The following COL22A1 variants were observed in gnomAD, a reference collection of about 807,000 sequenced individuals.
The protein encoded by COL22A1 is collagen type XXII alpha 1 chain, also known as collagen alpha-1(XXII) chain.
Under a neutral mutation model 248.9 loss-of-function variants are expected in COL22A1, and 221 were observed. That is an observed-to-expected ratio of 0.89 (90% CI 0.80 to 0.99). COL22A1 has a LOEUF of 0.99. Among genes scored for constraint, COL22A1 ranks in the 50% least tolerant of loss-of-function variants. The probability of loss-of-function intolerance (pLI) is 0.00; values close to 1 mark genes in which losing one functional copy is unlikely to be tolerated. For missense variants in COL22A1, 2,240 were observed against 2,179.0 expected (o/e 1.03, Z -0.56); for synonymous variants, 891 against 793.4 (o/e 1.12, Z -2.07).
At chr8:138,891,149 C>T (rs1050421148) in intron 1 of COL22A1, among the ~76,000 whole-genome samples, 3 of 152,132 alleles carry the variant, frequency 2.0e-5, no homozygotes, top group African/African-American at 7.2e-5. Flanking sequence ...ATGTAATCAA[C>T]AATGACACAT....
chr8:138,874,728 C>G (rs1484516293), intron 3 of COL22A1, among the ~76,000 whole-genome samples: 1 of 152,232 alleles, frequency 6.6e-6, no homozygotes, highest in Non-Finnish European at 1.5e-5. Flanking sequence ...GACTGCATCA[C>G]TTGGCCTTGC....
At chr8:138,806,157 TGTGTGTGTGATGGTGTAAGTAATG>T (rs1817692540) in intron 10 of COL22A1, among the ~76,000 whole-genome samples, 2 of 75,972 alleles carry the variant, frequency 2.6e-5, no homozygotes, top group African/African-American at 7.4e-5. Context: ...TGTGATGGTG[TGTGTGTGTGATGGTGTAAGTAATG>T]GTGTGTGATG....
intron 3 of COL22A1, among the ~76,000 whole-genome samples, chr8:138,862,278 G>A (rs1408345347): frequency 2.0e-5 from 3 of 152,076 alleles, no homozygotes; most frequent in Admixed American, 6.6e-5. Flanking sequence ...TCAATGGGTT[G>A]CCACTCAACT....
At chr8:138,765,190 C>T (rs1160923243) in intron 16 of COL22A1, among the ~76,000 whole-genome samples, 1 of 152,180 alleles carries the variant, frequency 6.6e-6, no homozygotes, top group East Asian at 1.9e-4. Context: ...GGCACTGGCG[C>T]CAGAACCGGC....
intron 3 of COL22A1, among the ~76,000 whole-genome samples, chr8:138,856,686 C>A (rs74671639): frequency 0.014 from 2,165 of 151,012 alleles, 45 homozygotes; most frequent in African/African-American, 0.05. Flanking sequence ...GGAGAGACAG[C>A]AAGAGAGAGG....
chr8:138,890,697 A>G (rs1343756280), intron 1 of COL22A1, among the ~76,000 whole-genome samples: 1 of 152,148 alleles, frequency 6.6e-6, no homozygotes, highest in African/African-American at 2.4e-5. Context: ...AACGAAGTAT[A>G]AGATACAAAA....
chr8:138,803,258 C>T (rs1252462623), intron 10 of COL22A1, among the ~76,000 whole-genome samples: 1 of 152,168 alleles, frequency 6.6e-6, no homozygotes, highest in African/African-American at 2.4e-5. Context: ...CAGGTTTGAA[C>T]AGCAGCTCTG....
chr8:138,660,951 CACAG>C (rs1823854540), intron 43 of COL22A1, among the ~76,000 whole-genome samples: 2 of 104,460 alleles, frequency 1.9e-5, no homozygotes, highest in Middle Eastern at 4.5e-3. Context: ...CACATAAACA[CACAG>C]ACACACACGC....
chr8:138,617,948 G>A (rs1819470733), intron 53 of COL22A1, among the ~76,000 whole-genome samples: 1 of 152,200 alleles, frequency 6.6e-6, no homozygotes, highest in African/African-American at 2.4e-5. Flanking sequence ...TCCCTGGAAA[G>A]GGCTAGGGAT....
rs146577060 is a variant in COL22A1 at position 138,910,918 on chromosome 8, C to T, written c.-73+2701G>A. 1.8e-3 allele frequency among the ~76,000 whole-genome samples: 276 copies of T among 152,302 alleles called. 2 individuals carry two copies. Among genetic ancestry groups the T allele is most frequent in the Non-Finnish European group, 3.3e-3 (222 of 68,020 alleles). ...GTCCTGGCCCATAGTAACCACACCA[C>T]CCATGTTGACCTCTATCAAAAACAT... On this transcript the variant is annotated intron_variant, in intron 1 of 64. Transcript: ENST00000303045.
At chr8:138,817,852 T>C (rs1487678434) in intron 7 of COL22A1, among the ~76,000 whole-genome samples, 1 of 152,150 alleles carries the variant, frequency 6.6e-6, no homozygotes, top group Admixed American at 6.5e-5. Flanking sequence ...GAGGGAGGGC[T>C]CATTTTTCTC....
At chr8:138,813,074 A>G (rs973286270) in intron 7 of COL22A1, 55 bp from the exon 8 acceptor site, 1 of 1,419,682 alleles carries the variant, frequency 7.0e-7, no homozygotes, top group African/African-American at 1.4e-5. Context: ...GAACCCAGAA[A>G]CCTCCGTGGT....
chr8:138,609,237 A>T (rs1818667443), intron 56 of COL22A1, among the ~76,000 whole-genome samples: 1 of 152,258 alleles, frequency 6.6e-6, no homozygotes, highest in Non-Finnish European at 1.5e-5. Flanking sequence ...ACTGAGGCTC[A>T]GAAATGCTAA....
At chr8:138,793,499 T>C (rs1008693125) in intron 12 of COL22A1, among the ~76,000 whole-genome samples, 29 of 152,188 alleles carry the variant, frequency 1.9e-4, no homozygotes, top group Admixed American at 7.9e-4. Context: ...GGGAAGTGAC[T>C]CACTCCAAAT....
chr8:138,833,006 T>A, intron 5 of COL22A1, 33 bp downstream of exon 5: 1 of 1,419,152 alleles, frequency 7.0e-7, no homozygotes, highest in East Asian at 2.3e-5. Flanking sequence ...CATGACACCC[T>A]GGGCAGGTCT....
intron 5 of COL22A1, among the ~76,000 whole-genome samples, chr8:138,830,257 G>T (rs1819936319): frequency 6.6e-6 from 1 of 152,172 alleles, no homozygotes; most frequent in African/African-American, 2.4e-5. Flanking sequence ...TACCAGCTAA[G>T]TGAAAAGTGT....
At chr8:138,701,605 G>A (rs948341450) in intron 31 of COL22A1, among the ~76,000 whole-genome samples, 20 of 152,154 alleles carry the variant, frequency 1.3e-4, no homozygotes, top group Non-Finnish European at 2.6e-4. Flanking sequence ...TAGTAACAGC[G>A]ACTACAGATG....
chr8:138,862,098 G>A (rs960432467), intron 3 of COL22A1, among the ~76,000 whole-genome samples: 8 of 151,112 alleles, frequency 5.3e-5, no homozygotes, highest in Non-Finnish European at 1.0e-4. Flanking sequence ...CACGCCTGTA[G>A]TCCCAGCCAC....
In COL22A1 at chr8:138,847,027, G is replaced by A. The variant is rs569573907; in HGVS notation, c.659-2869C>T. Among the ~76,000 whole-genome samples, 3 of 152,252 alleles carry A rather than the reference G, an allele frequency of 2.0e-5. No individual in the cohort carries two copies. In the East Asian group the frequency reaches 5.8e-4, roughly 29 times the overall value. The stretch of plus-strand genomic sequence containing the variant: ...GACTGCTCAGCCTTGAACAACCCCA[G>A]GGGCTTGTTTCCATTTATCCCAGCC... On this transcript the variant is annotated intron_variant, in intron 3 of 64. Coordinates refer to ENST00000303045, the MANE Select transcript of COL22A1 (RefSeq NM_152888.3).
Sources: allele counts gnomAD v4.1 joint callset (sites outside exome capture counted in the v4.1 genomes callset), GRCh38; gene constraint gnomAD v4.1.1; transcripts MANE v1.5; gene names NCBI Gene and HGNC (gene_info 2026-07-23, HGNC 2026-07-21).